The following NOL4L variants were observed in gnomAD, a reference collection of about 807,000 sequenced individuals.
The protein encoded by NOL4L is nucleolar protein 4 like.
A neutral mutation model predicts 64.5 loss-of-function variants in NOL4L; 7 were observed. The observed-to-expected ratio is 0.11, with a 90% CI of 0.06 to 0.20. NOL4L has a LOEUF of 0.20. Among genes scored for constraint, NOL4L ranks in the 10% least tolerant of loss-of-function variants. The pLI, the probability that NOL4L is intolerant of heterozygous loss-of-function variation, is 1.00. For missense variants in NOL4L, 680 were observed against 967.1 expected (o/e 0.70, Z 3.94); for synonymous variants, 413 against 401.0 (o/e 1.03, Z -0.36).
At position 32,585,166 on chromosome 20, in the gene NOL4L, G is replaced by A. The variant is rs1424777286; in HGVS notation, c.-276C>T. ...TCCTCCTCCCCCCGGCCGGGATGCA[G>A]GAGCGATGGAGGCAGCTCCGGGCCC... On this transcript the variant is annotated 5_prime_UTR_variant, in exon 1 of 11. Coordinates refer to ENST00000621426, the MANE Select transcript of NOL4L (RefSeq NM_001256798.2). 1 of 149,934 alleles carries A rather than the reference G, an allele frequency of 6.7e-6. No individual in the cohort carries two copies. The highest frequency in any genetic ancestry group is 1.5e-5 in the Non-Finnish European group (1 of 67,106). The allele number at this position is 149,934 out of a possible 1,614,324, so 9.3% of individuals were successfully genotyped here.
intron 1 of NOL4L, among the ~76,000 whole-genome samples, chr20:32,554,704 A>G (rs1181975182): frequency 1.3e-5 from 2 of 152,040 alleles, no homozygotes; most frequent in African/African-American, 4.8e-5. Context: ...GAGTCACAAT[A>G]CTGTTTGTCA....
At chr20:32,584,145 A>G (rs1168214651) in intron 1 of NOL4L, among the ~76,000 whole-genome samples, 2 of 115,420 alleles carry the variant, frequency 1.7e-5, no homozygotes, top group African/African-American at 3.3e-5. Context: ...ACACACACAC[A>G]CACACACACA....
At chr20:32,501,090 G>A (rs2016905985) in intron 4 of NOL4L, among the ~76,000 whole-genome samples, 1 of 152,174 alleles carries the variant, frequency 6.6e-6, no homozygotes, top group African/African-American at 2.4e-5. Context: ...TGGAAAGAGG[G>A]AAAAGTCACT....
In NOL4L at chr20:32,498,745, G is replaced by A. The variant is rs528811976; in HGVS notation, c.699+12602C>T. On this transcript the variant is annotated intron_variant, in intron 4 of 10. Transcript: ENST00000621426. Reference sequence around the variant, plus strand: ...ACCACTGCACTCTACCCTGGGCAACGGGAGTGAGACCCTGTCTCAATAAAA... The same window carrying A: ...ACCACTGCACTCTACCCTGGGCAACAGGAGTGAGACCCTGTCTCAATAAAA... Among the ~76,000 whole-genome samples the A allele has an allele frequency of 7.1e-5, 10 of 141,110 alleles. No individual in the cohort carries two copies. In the South Asian group the frequency reaches 2.3e-3, roughly 32 times the overall value. The allele number at this position is 141,110 out of a possible 152,430, so 92.6% of individuals were successfully genotyped here.
intron 1 of NOL4L, among the ~76,000 whole-genome samples, chr20:32,572,885 G>A (rs1012899040): frequency 3.3e-5 from 5 of 152,168 alleles, no homozygotes; most frequent in South Asian, 4.2e-4. Context: ...CCCCTGCCCC[G>A]GACTCCATGT....
intron 4 of NOL4L, among the ~76,000 whole-genome samples, chr20:32,496,972 C>T (rs1366211676): frequency 1.3e-5 from 2 of 150,564 alleles, no homozygotes; most frequent in African/African-American, 4.9e-5. Flanking sequence ...AGCTACCCGC[C>T]TGCCGGGATC....
chr20:32,501,768 G>A (rs1286678206), intron 4 of NOL4L, among the ~76,000 whole-genome samples: 2 of 152,014 alleles, frequency 1.3e-5, no homozygotes, highest in Non-Finnish European at 2.9e-5. Flanking sequence ...ATGCAGAAGC[G>A]ATTTGAAGAA....
At chr20:32,534,306 G>C (rs1003837656) in intron 1 of NOL4L, among the ~76,000 whole-genome samples, 2 of 152,190 alleles carry the variant, frequency 1.3e-5, no homozygotes, top group African/African-American at 4.8e-5. Flanking sequence ...CAACGAGATT[G>C]CTATTGGACG....
rs114733483 is a variant in NOL4L at position 32,465,490 on chromosome 20, C to A, written c.842-9095G>T. 7.0e-3 allele frequency among the ~76,000 whole-genome samples: 1,072 copies of A among 152,362 alleles called. 11 individuals are homozygous for A. The highest frequency in any genetic ancestry group is 0.025 in the African/African-American group (1,029 of 41,586). ...TGGCCACTGATGCCCCGGGGAAGCGCTCCCAGGATGAACTGCCTGTGTGTG... is the reference window on the plus strand; with the variant it reads ...TGGCCACTGATGCCCCGGGGAAGCGATCCCAGGATGAACTGCCTGTGTGTG... On this transcript the variant is annotated intron_variant, in intron 5 of 10. Coordinates refer to ENST00000621426, the MANE Select transcript of NOL4L (RefSeq NM_001256798.2).
In NOL4L at chr20:32,464,570, A is replaced by G. The variant is rs1224684641; in HGVS notation, c.842-8175T>C. 6.6e-6 allele frequency among the ~76,000 whole-genome samples: 1 copy of G among 151,962 alleles called. No homozygotes were observed. The highest frequency in any genetic ancestry group is 1.5e-5 in the Non-Finnish European group (1 of 67,962). On this transcript the variant is annotated intron_variant, in intron 5 of 10. Transcript: ENST00000621426. The surrounding 1 kb of genome is among the most constrained non-coding windows in gnomAD (Gnocchi z 5.6). ...CCGGGGCGCCAGTTCCTCTACCCCC[A>G]CAGCATGCGCCTCCTCTGCGTGTGC...
chr20:32,474,464 AGCTTG>A, intron 5 of NOL4L, 132 bp downstream of exon 5: 1 of 1,044,580 alleles, frequency 9.6e-7, no homozygotes, highest in South Asian at 1.8e-5. Flanking sequence ...GGGCAGTGCA[AGCTTG>A]GGCCTGAGCC....
intron 5 of NOL4L, among the ~76,000 whole-genome samples, chr20:32,459,125 G>GT (rs1568606117): frequency 6.6e-6 from 1 of 152,202 alleles, no homozygotes; most frequent in Non-Finnish European, 1.5e-5. Context: ...GGTAAGACCC[G>GT]TAAGGCACCA....
In NOL4L at chr20:32,535,952, G is replaced by A. The variant is rs1600851040; in HGVS notation, c.322-8039C>T. 8.1e-6 allele frequency: 8 copies of A among 985,874 alleles called. No homozygotes were observed. In the African/African-American group the frequency reaches 8.7e-5, roughly 11 times the overall value. 61.1% of individuals were successfully genotyped at this position (985,874 alleles called of 1,614,324 possible). A position where few individuals can be genotyped will look rare whatever the true frequency, so the allele number is the denominator to read the frequency against. ...CAGGACTCTGGCCTGGCGGGGGCAGGGAGAGGGTCCACAGGAGGGTGCTGT... is the reference window on the plus strand; with the variant it reads ...CAGGACTCTGGCCTGGCGGGGGCAGAGAGAGGGTCCACAGGAGGGTGCTGT... On this transcript the variant is annotated intron_variant, in intron 1 of 10. Coordinates refer to ENST00000621426, the MANE Select transcript of NOL4L (RefSeq NM_001256798.2).
At chr20:32,500,534 C>CTAGAGACATGGTTT (rs1568661344) in intron 4 of NOL4L, among the ~76,000 whole-genome samples, 2 of 109,220 alleles carry the variant, frequency 1.8e-5, no homozygotes, top group Non-Finnish European at 3.6e-5. Flanking sequence ...TTTTGTATTT[C>CTAGAGACATGGTTT]TTTCTTTTTT....
In NOL4L at chr20:32,579,255, C is replaced by T. The variant is rs192391973; in HGVS notation, c.321+5315G>A. Among the ~76,000 whole-genome samples, 728 of 152,344 alleles carry T rather than the reference C, an allele frequency of 4.8e-3. 8 individuals carry two copies. The highest frequency in any genetic ancestry group is 0.016 in the African/African-American group (671 of 41,576). ...CCACCTGTGCCCTGCACACACTCCACGCACACACACACAAGCATTTCCAGC... is the reference window on the plus strand; with the variant it reads ...CCACCTGTGCCCTGCACACACTCCATGCACACACACACAAGCATTTCCAGC... On this transcript the variant is annotated intron_variant, in intron 1 of 10. Transcript: ENST00000621426.
intron 4 of NOL4L, among the ~76,000 whole-genome samples, chr20:32,479,826 C>T (rs1568635764): frequency 6.6e-6 from 1 of 152,258 alleles, no homozygotes; most frequent in Non-Finnish European, 1.5e-5. Context: ...AGCACCCAGT[C>T]AGCCTCTGGG....
At chr20:32,530,400 G>T (rs922110054) in intron 1 of NOL4L, among the ~76,000 whole-genome samples, 2 of 152,136 alleles carry the variant, frequency 1.3e-5, no homozygotes. Context: ...AATTAGCCGG[G>T]CATGGTGGCG....
chr20:32,546,096 C>T (rs1457857775), intron 1 of NOL4L, among the ~76,000 whole-genome samples: 1 of 151,514 alleles, frequency 6.6e-6, no homozygotes, highest in Non-Finnish European at 1.5e-5. Flanking sequence ...TACAGGCAGG[C>T]ACCACCATGC....
intron 4 of NOL4L, among the ~76,000 whole-genome samples, chr20:32,484,527 C>G (rs937205477): frequency 1.3e-5 from 2 of 151,904 alleles, no homozygotes; most frequent in African/African-American, 4.8e-5. Flanking sequence ...GTCCGGGAGG[C>G]GCTCACCTGT....
Sources: allele counts gnomAD v4.1 joint callset (sites outside exome capture counted in the v4.1 genomes callset), GRCh38; gene constraint gnomAD v4.1.1; non-coding constraint Gnocchi (gnomAD v3.1); transcripts MANE v1.5; gene names NCBI Gene and HGNC (gene_info 2026-07-23, HGNC 2026-07-21).